The following HTR2A variants were observed in gnomAD, a reference collection of about 807,000 sequenced individuals.
The protein encoded by HTR2A is 5-HT2 receptor.
HTR2A carries 14 observed loss-of-function variants against 31.0 expected under a neutral mutation model. The observed-to-expected ratio is 0.45, with a 90% CI of 0.30 to 0.71. The LOEUF (loss-of-function observed/expected upper bound fraction) is 0.71. Among genes scored for constraint, HTR2A ranks in the 30% least tolerant of loss-of-function variants. HTR2A has a pLI of 0.09. For synonymous variants in HTR2A, 209 were observed against 225.2 expected (o/e 0.93, Z 0.64); for missense variants, 442 against 573.3 (o/e 0.77, Z 2.34).
intron 3 of HTR2A, among the ~76,000 whole-genome samples, chr13:46,855,815 G>C (rs1240640629): frequency 6.6e-6 from 1 of 152,168 alleles, no homozygotes; most frequent in East Asian, 1.9e-4. Flanking sequence ...GGCATATAAA[G>C]TTATGTTTAA....
intron 3 of HTR2A, among the ~76,000 whole-genome samples, chr13:46,840,395 T>A (rs1202995361): frequency 6.6e-6 from 1 of 152,204 alleles, no homozygotes; most frequent in Non-Finnish European, 1.5e-5. Flanking sequence ...AAAAGCTGTA[T>A]GTTTCTTTTT....
intron 3 of HTR2A, among the ~76,000 whole-genome samples, chr13:46,871,800 C>G (rs752434308): frequency 6.6e-6 from 1 of 152,124 alleles, no homozygotes; most frequent in Non-Finnish European, 1.5e-5. Context: ...GCCAACAGAA[C>G]AAAAGCATCT....
intron 2 of HTR2A, 50 bp from the exon 3 acceptor site, chr13:46,892,640 C>T (rs1477929624): frequency 2.7e-6 from 4 of 1,494,844 alleles, no homozygotes; most frequent in Non-Finnish European, 3.7e-6. Flanking sequence ...CCTCCTGGAG[C>T]ACATGTATCC....
intron 3 of HTR2A, among the ~76,000 whole-genome samples, chr13:46,871,944 A>G (rs1253702052): frequency 6.6e-6 from 1 of 152,244 alleles, no homozygotes; most frequent in Non-Finnish European, 1.5e-5. Flanking sequence ...TTTCTGAACT[A>G]TTTCAGAAGA....
At chr13:46,875,100 A>G (rs1950897858) in intron 3 of HTR2A, among the ~76,000 whole-genome samples, 1 of 152,230 alleles carries the variant, frequency 6.6e-6, no homozygotes, top group South Asian at 2.1e-4. Flanking sequence ...GTCATGTCCA[A>G]AAGTTCTTTA....
chr13:46,848,180 A>G (rs184413925), intron 3 of HTR2A, among the ~76,000 whole-genome samples: 54 of 152,222 alleles, frequency 3.5e-4, no homozygotes, highest in African/African-American at 1.2e-3. Context: ...AACATTAGTG[A>G]TTTGGAGGGA....
Position 46,857,759 on chromosome 13 carries a change from C to T in HTR2A, c.614-22120G>A, listed in dbSNP as rs116161433. Among the ~76,000 whole-genome samples the T allele has an allele frequency of 3.2e-3, 490 of 152,212 alleles. 7 individuals are homozygous for T. The highest frequency in any genetic ancestry group is 0.011 in the African/African-American group (470 of 41,536). Reference sequence around the variant, plus strand: ...GGCAAGAAAGCACAGCATATAAGAGCTGAAAGTAATTTGATATGAGGTAAG... The same window carrying T: ...GGCAAGAAAGCACAGCATATAAGAGTTGAAAGTAATTTGATATGAGGTAAG... On this transcript the variant is annotated intron_variant, in intron 3 of 3. Coordinates refer to ENST00000542664, the MANE Select transcript of HTR2A (RefSeq NM_000621.5).
In HTR2A at chr13:46,884,184, C is replaced by T. The variant is rs545272142; in HGVS notation, c.613+8206G>A. ...GTGACAGGCCGGGTGAAGTGGCTCA[C>T]GCCTGTAATCCCAGCACTTTGGGAG... On this transcript the variant is annotated intron_variant, in intron 3 of 3. Coordinates refer to ENST00000542664, the MANE Select transcript of HTR2A (RefSeq NM_000621.5). Among the ~76,000 whole-genome samples, 409 of 152,298 alleles carry T rather than the reference C, an allele frequency of 2.7e-3. 2 individuals are homozygous for T. Among genetic ancestry groups the T allele is most frequent in the Non-Finnish European group, 4.0e-3 (274 of 68,022 alleles).
intron 3 of HTR2A, among the ~76,000 whole-genome samples, chr13:46,838,232 T>G (rs1950574516): frequency 6.6e-6 from 1 of 152,232 alleles, no homozygotes; most frequent in African/African-American, 2.4e-5. Context: ...TTAGAAAGGA[T>G]GCTTTGTTCA....
chr13:46,844,748 G>C (rs1950627731), intron 3 of HTR2A, among the ~76,000 whole-genome samples: 1 of 152,212 alleles, frequency 6.6e-6, no homozygotes, highest in African/African-American at 2.4e-5. Context: ...ACACAGGTTT[G>C]CCTCCAGACT....
intron 3 of HTR2A, among the ~76,000 whole-genome samples, chr13:46,882,397 A>G (rs1244656481): frequency 1.3e-5 from 2 of 152,224 alleles, no homozygotes; most frequent in East Asian, 1.9e-4. Context: ...GGGGAAACAA[A>G]TGATGCTGGG....
At chr13:46,850,092 C>T (rs1055847534) in intron 3 of HTR2A, among the ~76,000 whole-genome samples, 1 of 152,176 alleles carries the variant, frequency 6.6e-6, no homozygotes, top group African/African-American at 2.4e-5. Flanking sequence ...GCTAACAATT[C>T]TGACAAAGTA....
At chr13:46,847,807 A>G (rs1243172767) in intron 3 of HTR2A, among the ~76,000 whole-genome samples, 1 of 152,102 alleles carries the variant, frequency 6.6e-6, no homozygotes, top group Non-Finnish European at 1.5e-5. Context: ...TTTCAGATGC[A>G]CGCCTCTGGG....
At chr13:46,871,455 A>G (rs547918951) in intron 3 of HTR2A, among the ~76,000 whole-genome samples, 1 of 152,208 alleles carries the variant, frequency 6.6e-6, no homozygotes, top group African/African-American at 2.4e-5. Context: ...CTGCTGAACC[A>G]CTGATCAGGC....
At chr13:46,855,640 A>C (rs990559498) in intron 3 of HTR2A, among the ~76,000 whole-genome samples, 1 of 152,110 alleles carries the variant, frequency 6.6e-6, no homozygotes, top group African/African-American at 2.4e-5. Flanking sequence ...TCCCTAAAAA[A>C]GGCCTAAGGT....
At chr13:46,844,596 T>G (rs1950625444) in intron 3 of HTR2A, among the ~76,000 whole-genome samples, 1 of 152,214 alleles carries the variant, frequency 6.6e-6, no homozygotes, top group African/African-American at 2.4e-5. Flanking sequence ...AGACTTGCGT[T>G]TATTCCTGTC....
At chr13:46,884,281 A>C (rs115353156) in intron 3 of HTR2A, among the ~76,000 whole-genome samples, 7,296 of 152,322 alleles carry the variant, frequency 0.048, 191 homozygotes, top group Middle Eastern at 0.082. Flanking sequence ...TTTTCCATTT[A>C]ACAATTTCAG....
At chr13:46,844,633 G>T (rs1173905791) in intron 3 of HTR2A, among the ~76,000 whole-genome samples, 1 of 152,098 alleles carries the variant, frequency 6.6e-6, no homozygotes, top group East Asian at 1.9e-4. Flanking sequence ...CTGGATCTAG[G>T]CCCGTTATTT....
intron 3 of HTR2A, among the ~76,000 whole-genome samples, chr13:46,865,621 T>C (rs1049259912): frequency 3.3e-5 from 5 of 152,214 alleles, no homozygotes; most frequent in Non-Finnish European, 5.9e-5. Context: ...CCCAATGTAC[T>C]AGCCACCAGC....
Sources: allele counts gnomAD v4.1 joint callset (sites outside exome capture counted in the v4.1 genomes callset), GRCh38; gene constraint gnomAD v4.1.1; transcripts MANE v1.5; gene names NCBI Gene and HGNC (gene_info 2026-07-23, HGNC 2026-07-21).